The following OTOA variants were observed in gnomAD, a reference collection of about 807,000 sequenced individuals.
OTOA encodes the protein otoancorin, also known as cancer/testis antigen 108.
In OTOA, 70 loss-of-function variants were observed where a neutral mutation model predicts 110.8. That is an observed-to-expected ratio of 0.63 (90% CI 0.52 to 0.77). The LOEUF (loss-of-function observed/expected upper bound fraction) is 0.77. OTOA is among the 30% of genes least tolerant of loss of function. OTOA has a pLI of 0.00. For missense variants in OTOA, 917 were observed against 1,075.8 expected (o/e 0.85, Z 2.06); for synonymous variants, 373 against 431.5 (o/e 0.86, Z 1.68).
intron 11 of OTOA, chr16:21,704,842 G>T (rs1898124232): frequency 1.3e-6 from 1 of 753,764 alleles, no homozygotes; most frequent in Admixed American, 1.7e-5. Context: ...ATCTGATTGG[G>T]TCTTGCTACA....
intron 17 of OTOA, among the ~76,000 whole-genome samples, chr16:21,722,320 T>A (rs1898778836): frequency 6.7e-6 from 1 of 149,642 alleles, no homozygotes; most frequent in African/African-American, 2.4e-5. Context: ...GTTCTGTTTA[T>A]ATATATAGCT....
intron 8 of OTOA, among the ~76,000 whole-genome samples, chr16:21,690,196 G>A (rs150585): frequency 0.98 from 149,036 of 152,218 alleles, 73,150 homozygotes; most frequent in Non-Finnish European, 1. Context: ...GGTATTTTTT[G>A]TTTTTAAGTT....
intron 6 of OTOA, among the ~76,000 whole-genome samples, chr16:21,683,882 C>T (rs1408895214): frequency 6.6e-6 from 1 of 151,602 alleles, no homozygotes; most frequent in Non-Finnish European, 1.5e-5. Context: ...AATTCTCCTG[C>T]CTCAGCCTCC....
chr16:21,699,946 A>AAAATAT (rs1043611265), intron 10 of OTOA, among the ~76,000 whole-genome samples: 8 of 151,966 alleles, frequency 5.3e-5, no homozygotes, highest in Non-Finnish European at 1.0e-4. Context: ...AATAAAAATA[A>AAAATAT]AAACAAAAAT....
At chr16:21,682,136 G>A (rs1966902756) in intron 6 of OTOA, among the ~76,000 whole-genome samples, 1 of 152,140 alleles carries the variant, frequency 6.6e-6, no homozygotes. Flanking sequence ...AGCTAAGTGG[G>A]AAAGCCACAG....
intron 19 of OTOA, chr16:21,726,979 G>T: frequency 2.9e-6 from 1 of 344,956 alleles, no homozygotes; most frequent in South Asian, 2.6e-5. Flanking sequence ...CTTCTCATCT[G>T]TAAGGTGGGG....
At chr16:21,697,919 C>CCTTACCCCAAGTGTA in intron 10 of OTOA, 44 bp downstream of exon 10, 3 of 1,504,396 alleles carry the variant, frequency 2.0e-6, no homozygotes, top group Non-Finnish European at 2.8e-6. Context: ...TACTAATACA[C>CCTTACCCCAAGTGTA]TTGGGGTAAG....
rs727503350 is a variant in OTOA at position 21,719,192 on chromosome 16, G to T, written c.1688+1G>T. ...CCAGAAGGCCTGAGGAGCTTTTGAG[G>T]TAGGAAAATGTAACTCGGCCTGGGT... On this transcript the variant is annotated splice_donor_variant, in intron 16 of 28. Coordinates refer to ENST00000646100, the MANE Select transcript of OTOA (RefSeq NM_144672.4). LOFTEE classifies it high-confidence loss of function. 1.9e-6 allele frequency: 3 copies of T among 1,614,108 alleles called. No individual in the cohort carries two copies. In the South Asian group the frequency reaches 3.3e-5, roughly 18 times the overall value.
At chr16:21,711,092 A>T (rs1898339984) in intron 13 of OTOA, among the ~76,000 whole-genome samples, 1 of 152,194 alleles carries the variant, frequency 6.6e-6, no homozygotes, top group Non-Finnish European at 1.5e-5. Context: ...CACATGAAGA[A>T]GCTAGACCAC....
In OTOA at chr16:21,707,491, G is replaced by A. The variant is rs1898200561; in HGVS notation, c.1104+2199G>A. ...TTTTTTCCGTGGACTGGGGCCGGGGGATTGTTTCAGGATGATTCAAGTGCA... is the reference window on the plus strand; with the variant it reads ...TTTTTTCCGTGGACTGGGGCCGGGGAATTGTTTCAGGATGATTCAAGTGCA... On this transcript the variant is annotated intron_variant, in intron 12 of 28. Coordinates refer to ENST00000646100, the MANE Select transcript of OTOA (RefSeq NM_144672.4). Among the ~76,000 whole-genome samples the A allele has an allele frequency of 2.0e-5, 3 of 151,978 alleles. No homozygotes were observed. In the South Asian group the frequency reaches 6.2e-4, roughly 32 times the overall value.
intron 8 of OTOA, among the ~76,000 whole-genome samples, chr16:21,688,425 A>G (rs1897763235): frequency 6.6e-6 from 1 of 152,220 alleles, no homozygotes; most frequent in Admixed American, 6.5e-5. Context: ...CAAAAACAAA[A>G]AAACCCACAT....
At chr16:21,700,832 A>G (rs1343028659) in intron 10 of OTOA, 56 bp from the exon 11 acceptor site, 11 of 1,609,746 alleles carry the variant, frequency 6.8e-6, no homozygotes, top group Non-Finnish European at 9.3e-6. Flanking sequence ...GGGTGGGGCC[A>G]CACTGGGCCA....
intron 12 of OTOA, chr16:21,705,535 C>A: frequency 1.8e-6 from 1 of 567,290 alleles, no homozygotes; most frequent in South Asian, 2.0e-5. Context: ...CTCAGCCAGG[C>A]GCGGTGGCTC....
chr16:21,673,391 A>T (rs1369758801), intron 1 of OTOA, among the ~76,000 whole-genome samples: 2 of 152,104 alleles, frequency 1.3e-5, no homozygotes, highest in Non-Finnish European at 2.9e-5. Context: ...GTGTAGACTA[A>T]TGTATCAGCT....
At chr16:21,756,451 G>A (rs1221754453) in intron 27 of OTOA, among the ~76,000 whole-genome samples, 3 of 152,098 alleles carry the variant, frequency 2.0e-5, no homozygotes, top group Non-Finnish European at 4.4e-5. Context: ...AGCCCACGGA[G>A]GCTGTGTAAT....
At chr16:21,748,912 GATA>G (rs2141753810) in intron 24 of OTOA, 1 of 147,390 alleles carries the variant, frequency 6.8e-6, no homozygotes, top group East Asian at 2.2e-4. Context: ...AAACTACCTG[GATA>G]TGGTCCTTTT....
rs1567381218 is a variant in OTOA at position 21,710,105 on chromosome 16, T to C, written c.1320+2T>C. The C allele has an allele frequency of 1.9e-6, 3 of 1,609,320 alleles. No homozygotes were observed. Among genetic ancestry groups the C allele is most frequent in the Non-Finnish European group, 2.5e-6 (3 of 1,177,590 alleles). On this transcript the variant is annotated splice_donor_variant, in intron 13 of 28. Coordinates refer to ENST00000646100, the MANE Select transcript of OTOA (RefSeq NM_144672.4). LOFTEE classifies it high-confidence loss of function. ...GCCAAATACTTGGCCCATGAGAAGG[T>C]CAGCTGGAGTTTTAAACTCTTTTTT...
chr16:21,668,585 C>T (rs183401945), intron 1 of OTOA, among the ~76,000 whole-genome samples: 389 of 151,074 alleles, frequency 2.6e-3, no homozygotes, highest in Middle Eastern at 6.9e-3. Flanking sequence ...CTCAGCCTCC[C>T]GAGTAGCTGG....
chr16:21,695,891 A>ATATATATATATATATATATATAT (rs569493650), intron 9 of OTOA, among the ~76,000 whole-genome samples: 1 of 41,904 alleles, frequency 2.4e-5, no homozygotes, highest in African/African-American at 1.5e-4. Flanking sequence ...ATATATATAT[A>ATATATATATATATATATATATAT]TTTTTTTTTT....
Sources: gnomAD v4.1 joint callset for allele counts (sites outside exome capture counted in the v4.1 genomes callset) on GRCh38, gnomAD v4.1.1 for gene constraint, MANE v1.5 for transcripts, NCBI Gene and HGNC (gene_info 2026-07-23, HGNC 2026-07-21) for gene names.